VPS35L: variants seen among roughly 807,000 people sequenced by gnomAD.
VPS35L encodes the protein VPS35 endosomal protein-sorting factor-like.
A neutral mutation model predicts 133.0 loss-of-function variants in VPS35L; 83 were observed. That is an observed-to-expected ratio of 0.62 (90% CI 0.52 to 0.75). VPS35L has a LOEUF of 0.75. Among genes scored for constraint, VPS35L ranks in the 30% least tolerant of loss-of-function variants. VPS35L has a pLI of 0.00. For missense variants in VPS35L, 1,083 were observed against 1,206.8 expected (o/e 0.90, Z 1.52); for synonymous variants, 423 against 449.9 (o/e 0.94, Z 0.76).
At chr16:19,654,645 A>G (rs1597398654) in intron 26 of VPS35L, among the ~76,000 whole-genome samples, 1 of 152,214 alleles carries the variant, frequency 6.6e-6, no homozygotes, top group East Asian at 1.9e-4. Context: ...GATGAAAATT[A>G]GAAGACGCTT....
chr16:19,615,636 C>A (rs1188647428), intron 12 of VPS35L, among the ~76,000 whole-genome samples: 2 of 148,648 alleles, frequency 1.3e-5, no homozygotes, highest in African/African-American at 5.0e-5. Flanking sequence ...GGCAACAGAG[C>A]GAGACTCTGT....
At chr16:19,654,987 G>C (rs772101445) in intron 26 of VPS35L, among the ~76,000 whole-genome samples, 1 of 152,124 alleles carries the variant, frequency 6.6e-6, no homozygotes, top group African/African-American at 2.4e-5. Context: ...CTGGATAAAG[G>C]TATCCCCCTT....
rs575170629 is a variant in VPS35L at position 19,700,847 on chromosome 16, G to C, written c.*371G>C. 1.5e-5 allele frequency: 3 copies of C among 201,310 alleles called. No homozygotes were observed. In the East Asian group the frequency reaches 3.5e-4, roughly 24 times the overall value. 12.5% of individuals were successfully genotyped at this position (201,310 alleles called of 1,614,324 possible). On this transcript the variant is annotated 3_prime_UTR_variant, in exon 31 of 31. Transcript: ENST00000417362. Reference sequence around the variant, plus strand: ...TTTAGAAATAAGGACTTTAAAAGTGGACTGCTTTTCAAAGTGCCACTGTTC... The same window carrying C: ...TTTAGAAATAAGGACTTTAAAAGTGCACTGCTTTTCAAAGTGCCACTGTTC...
intron 14 of VPS35L, among the ~76,000 whole-genome samples, chr16:19,621,720 G>A (rs1408268656): frequency 2.6e-5 from 4 of 152,230 alleles, no homozygotes; most frequent in Admixed American, 6.5e-5. Flanking sequence ...AGACCTGCCC[G>A]AGGATCTATA....
At chr16:19,700,082 G>C (rs1000271085) in intron 30 of VPS35L, among the ~76,000 whole-genome samples, 17 of 152,226 alleles carry the variant, frequency 1.1e-4, no homozygotes, top group African/African-American at 4.1e-4. Flanking sequence ...GGGTGATAGA[G>C]CAGGACCTTG....
At chr16:19,564,997 A>G in intron 2 of VPS35L, 47 bp downstream of exon 2, 1 of 1,384,238 alleles carries the variant, frequency 7.2e-7, no homozygotes, top group Non-Finnish European at 1.0e-6. Context: ...TATCCCTTGA[A>G]ATGAAAGACA....
chr16:19,638,202 T>C (rs1340337268), intron 20 of VPS35L, among the ~76,000 whole-genome samples: 1 of 152,234 alleles, frequency 6.6e-6, no homozygotes, highest in African/African-American at 2.4e-5. Flanking sequence ...CTCCCTTCAC[T>C]TCCCTCTTCC....
intron 28 of VPS35L, among the ~76,000 whole-genome samples, chr16:19,688,022 G>T (rs552189249): frequency 6.6e-6 from 1 of 152,252 alleles, no homozygotes; most frequent in South Asian, 2.1e-4. Flanking sequence ...TGCCTCCTGG[G>T]CTCAAGTCAT....
In VPS35L at chr16:19,610,313, C is replaced by A. The variant is rs1056547340; in HGVS notation, c.930-9C>A. ...GAATATAATGCTGGCCTGTTTTTGT[C>A]TCTTGCAGGGGAATTTCAGAGTGCC... is the stretch of plus-strand genomic sequence containing the variant. On this transcript the variant is annotated splice_polypyrimidine_tract_variant and intron_variant, in intron 11 of 30. Coordinates refer to ENST00000417362, the MANE Select transcript of VPS35L (RefSeq NM_020314.7). 1.9e-6 allele frequency: 3 copies of A among 1,612,760 alleles called. No individual in the cohort carries two copies. In the African/African-American group the frequency reaches 4.0e-5, roughly 22 times the overall value.
At chr16:19,687,919 C>T (rs1323030295) in intron 28 of VPS35L, among the ~76,000 whole-genome samples, 2 of 151,760 alleles carry the variant, frequency 1.3e-5, no homozygotes, top group South Asian at 4.2e-4. Flanking sequence ...TTGAGACCAG[C>T]CTGGCCAACA....
At chr16:19,581,130 T>A (rs1298168654) in intron 6 of VPS35L, among the ~76,000 whole-genome samples, 1 of 152,112 alleles carries the variant, frequency 6.6e-6, no homozygotes. Flanking sequence ...AAAAATGTCT[T>A]TGTATCTCGA....
intron 2 of VPS35L, among the ~76,000 whole-genome samples, chr16:19,565,603 T>G (rs564352165): frequency 6.6e-6 from 1 of 152,376 alleles, no homozygotes; most frequent in South Asian, 2.1e-4. Context: ...TCCAACCACC[T>G]TGGCCTCCCA....
chr16:19,578,681 A>G, intron 5 of VPS35L: 1 of 323,340 alleles, frequency 3.1e-6, no homozygotes, highest in South Asian at 2.7e-5. Flanking sequence ...CTACGCTGTG[A>G]GTAAGAGCCT....
At chr16:19,688,435 C>A (rs1016200615) in intron 28 of VPS35L, among the ~76,000 whole-genome samples, 1 of 152,204 alleles carries the variant, frequency 6.6e-6, no homozygotes, top group Non-Finnish European at 1.5e-5. Context: ...TTAAAGACAT[C>A]CCTAAGCCAC....
In VPS35L at chr16:19,700,531, G is replaced by C; in HGVS notation, c.*55G>C. The C allele has an allele frequency of 7.0e-7, 1 of 1,434,056 alleles. No homozygotes were observed. Among genetic ancestry groups the C allele is most frequent in the South Asian group, 1.1e-5 (1 of 87,148 alleles). The allele number at this position is 1,434,056 out of a possible 1,614,324, so 88.8% of individuals were successfully genotyped here. A position where few individuals can be genotyped will look rare whatever the true frequency, so the allele number is the denominator to read the frequency against. On this transcript the variant is annotated 3_prime_UTR_variant, in exon 31 of 31. Coordinates refer to ENST00000417362, the MANE Select transcript of VPS35L (RefSeq NM_020314.7). ...TCTGGTGCCAAATCCAGAAAGATCT[G>C]CTCTGCTGCCCTGAACTCTTACGGC...
At chr16:19,575,416 A>G (rs1377440011) in intron 5 of VPS35L, among the ~76,000 whole-genome samples, 1 of 150,806 alleles carries the variant, frequency 6.6e-6, no homozygotes, top group South Asian at 2.1e-4. Flanking sequence ...AAATACAAAA[A>G]TTTGCTGGGC....
chr16:19,650,141 G>A (rs1160724456), intron 24 of VPS35L, among the ~76,000 whole-genome samples: 1 of 152,144 alleles, frequency 6.6e-6, no homozygotes, highest in African/African-American at 2.4e-5. Flanking sequence ...TGATCAAAAG[G>A]CATGACTGAC....
chr16:19,624,023 T>G (rs116873254), intron 14 of VPS35L, among the ~76,000 whole-genome samples: 1 of 150,108 alleles, frequency 6.7e-6, no homozygotes, highest in Admixed American at 6.7e-5. Flanking sequence ...AGACTGGTCT[T>G]GAACTCCTAA....
At position 19,701,079 on chromosome 16, in the gene VPS35L, C is replaced by T. The variant is rs568262330; in HGVS notation, c.*603C>T. The T allele has an allele frequency of 1.6e-3, 240 of 152,592 alleles. No homozygotes were observed. The highest frequency in any genetic ancestry group is 2.9e-3 in the Admixed American group (44 of 15,338). 9.5% of individuals were successfully genotyped at this position (152,592 alleles called of 1,614,324 possible). A position where few individuals can be genotyped will look rare whatever the true frequency, so the allele number is the denominator to read the frequency against. The stretch of plus-strand genomic sequence containing the variant: ...AAAGCGAGGTCAAATTTGAGATTCT[C>T]TGTGGCTTCAGTATACAGTAACTGA... On this transcript the variant is annotated 3_prime_UTR_variant, in exon 31 of 31. Coordinates refer to ENST00000417362, the MANE Select transcript of VPS35L (RefSeq NM_020314.7).
Sources: gnomAD v4.1 joint callset for allele counts (sites outside exome capture counted in the v4.1 genomes callset) on GRCh38, gnomAD v4.1.1 for gene constraint, MANE v1.5 for transcripts, NCBI Gene and HGNC (gene_info 2026-07-23, HGNC 2026-07-21) for gene names.